The following C14orf39 variants were observed in gnomAD, a reference collection of about 807,000 sequenced individuals.
C14orf39 encodes the protein chromosome 14 open reading frame 39, also known as protein SIX6OS1.
In C14orf39, 66 loss-of-function variants were observed where a neutral mutation model predicts 85.6. The observed-to-expected ratio is 0.77, with a 90% confidence interval of 0.63 to 0.95. C14orf39 has a LOEUF of 0.95. Among genes scored for constraint, C14orf39 ranks in the 40% least tolerant of loss-of-function variants. The pLI is 0.00. For missense variants in C14orf39, 735 were observed against 663.9 expected (o/e 1.11, Z -1.18); for synonymous variants, 242 against 214.0 (o/e 1.13, Z -1.14).
intron 2 of C14orf39, chr14:60,494,725 AT>A: frequency 6.6e-6 from 1 of 152,162 alleles, no homozygotes. Flanking sequence ...CCACTGGACC[AT>A]TTTTTCAGTT....
At chr14:60,504,621 G>A (rs1003935047) in intron 1 of C14orf39, among the ~76,000 whole-genome samples, 6 of 152,158 alleles carry the variant, frequency 3.9e-5, no homozygotes, top group African/African-American at 7.2e-5. Context: ...GTGACAAGCT[G>A]GCTACATTTT....
chr14:60,495,356 G>T (rs372652443), intron 2 of C14orf39: 8 of 207,746 alleles, frequency 3.9e-5, no homozygotes, highest in African/African-American at 1.4e-4. Flanking sequence ...CCCACCCCAG[G>T]TTGTGTGAGT....
At chr14:60,501,550 G>C (rs1893148671) in intron 1 of C14orf39, among the ~76,000 whole-genome samples, 2 of 152,172 alleles carry the variant, frequency 1.3e-5, no homozygotes, top group Admixed American at 6.5e-5. Context: ...CAAACTTGTT[G>C]CCTCCAGAAC....
intron 1 of C14orf39, chr14:60,512,035 A>AGG (rs1893303039): frequency 6.6e-6 from 1 of 151,510 alleles, no homozygotes; most frequent in Non-Finnish European, 1.5e-5. Flanking sequence ...ATACAAACAT[A>AGG]TGTATGTACC....
intron 4 of C14orf39, among the ~76,000 whole-genome samples, chr14:60,481,573 A>T (rs1892640267): frequency 6.6e-6 from 1 of 151,974 alleles, no homozygotes; most frequent in South Asian, 2.1e-4. Context: ...ACTACTGTAC[A>T]CTCCTACAGT....
chr14:60,455,217 C>A, intron 15 of C14orf39, 72 bp from the exon 16 acceptor site: 2 of 1,096,946 alleles, frequency 1.8e-6, no homozygotes, highest in South Asian at 1.6e-5. Context: ...GCATCATAAG[C>A]AACAGCATAG....
chr14:60,473,797 TTGCTGTAGCC>T (rs1299070945), intron 5 of C14orf39, among the ~76,000 whole-genome samples: 1 of 152,250 alleles, frequency 6.6e-6, no homozygotes, highest in Non-Finnish European at 1.5e-5. Flanking sequence ...GTTGTTTTGG[TTGCTGTAGCC>T]TTGTAGTATA....
At chr14:60,467,857 G>A (rs1891872291) in intron 9 of C14orf39, among the ~76,000 whole-genome samples, 1 of 151,546 alleles carries the variant, frequency 6.6e-6, no homozygotes, top group South Asian at 2.1e-4. Context: ...ATATAAGTAG[G>A]GGGAAAAAGT....
At chr14:60,500,564 G>A (rs139054466) in intron 1 of C14orf39, among the ~76,000 whole-genome samples, 149 of 152,240 alleles carry the variant, frequency 9.8e-4, no homozygotes, top group African/African-American at 3.4e-3. Context: ...ATAAGTTGTG[G>A]TATTTATGCT....
At chr14:60,444,997 C>T (rs920259659) in intron 16 of C14orf39, among the ~76,000 whole-genome samples, 1 of 152,152 alleles carries the variant, frequency 6.6e-6, no homozygotes, top group Non-Finnish European at 1.5e-5. Flanking sequence ...AAATAAAATA[C>T]TTTACAGACA....
chr14:60,490,844 T>C (rs1027345247), upstream of C14orf39, among the ~76,000 whole-genome samples: 10 of 152,170 alleles, frequency 6.6e-5, no homozygotes, highest in Admixed American at 6.5e-4. Flanking sequence ...CTACAAACTC[T>C]ATCTTACTTT....
chr14:60,504,869 T>C (rs1403799001), intron 1 of C14orf39, among the ~76,000 whole-genome samples: 2 of 152,206 alleles, frequency 1.3e-5, no homozygotes, highest in South Asian at 2.1e-4. Flanking sequence ...CAAAACACAG[T>C]TGAACAGGTA....
intron 5 of C14orf39, among the ~76,000 whole-genome samples, chr14:60,474,479 A>G (rs12882482): frequency 1.5e-5 from 1 of 65,358 alleles, no homozygotes. Context: ...GTCTTGTGCC[A>G]GTTTTCAAAG....
At chr14:60,500,128 A>T (rs1431625865) in intron 1 of C14orf39, among the ~76,000 whole-genome samples, 1 of 152,166 alleles carries the variant, frequency 6.6e-6, no homozygotes, top group Non-Finnish European at 1.5e-5. Flanking sequence ...CCTGGGTTCA[A>T]GTGATTCTCC....
At chr14:60,509,530 C>G in intron 1 of C14orf39, 1 of 1,608,420 alleles carries the variant, frequency 6.2e-7, no homozygotes, top group Non-Finnish European at 8.5e-7. Flanking sequence ...CTGCGGCCTG[C>G]GAGGCCCTCA....
In C14orf39 at chr14:60,491,739, T is replaced by A. The variant is rs1188440728; in HGVS notation, c.-8-6653A>T. Reference sequence around the variant, plus strand: ...TTCCAAACTGGTTTTGCCACATATCTACTCTAGCCCTCTTGCCCATTCTCT... The same window carrying A: ...TTCCAAACTGGTTTTGCCACATATCAACTCTAGCCCTCTTGCCCATTCTCT... On this transcript the variant is annotated intron_variant, in intron 2 of 5. Transcript: ENST00000556799. This position sits in a 1 kb window ranked among gnomAD's most constrained non-coding sequence, Gnocchi z 4.5. Among the ~76,000 whole-genome samples the A allele has an allele frequency of 6.6e-6, 1 of 152,186 alleles. No individual in the cohort carries two copies. The highest frequency in any genetic ancestry group is 1.5e-5 in the Non-Finnish European group (1 of 68,028).
intron 1 of C14orf39, among the ~76,000 whole-genome samples, chr14:60,510,437 C>T (rs544426482): frequency 3.3e-4 from 51 of 152,302 alleles, no homozygotes; most frequent in African/African-American, 1.2e-3. Flanking sequence ...TTTCAATGGA[C>T]TTTTGAGAAA....
chr14:60,464,065 A>G (rs1048200434), intron 11 of C14orf39, among the ~76,000 whole-genome samples: 5 of 152,128 alleles, frequency 3.3e-5, no homozygotes, highest in African/African-American at 1.2e-4. Context: ...TGGCCAATGA[A>G]ATGATATCAT....
At chr14:60,454,264 C>A (rs1891165228) in intron 16 of C14orf39, among the ~76,000 whole-genome samples, 1 of 151,800 alleles carries the variant, frequency 6.6e-6, no homozygotes, top group African/African-American at 2.4e-5. Flanking sequence ...CTTAAATGAG[C>A]AATAACAATA....
Sources: gnomAD v4.1 joint callset for allele counts (sites outside exome capture counted in the v4.1 genomes callset) on GRCh38, gnomAD v4.1.1 for gene constraint, Gnocchi (gnomAD v3.1) non-coding constraint, MANE v1.5 for transcripts, NCBI Gene and HGNC (gene_info 2026-07-23, HGNC 2026-07-21) for gene names.